The following LIPM variants were observed in gnomAD, a reference collection of about 807,000 sequenced individuals.
LIPM encodes lipase member M.
Under a neutral mutation model 42.4 loss-of-function variants are expected in LIPM, and 42 were observed. The ratio of observed to expected loss-of-function variants is 0.99; its 90% CI spans 0.77 to 1.28. The LOEUF (loss-of-function observed/expected upper bound fraction) is 1.28, where lower values mean the gene tolerates loss of function less well. Among genes scored for constraint, LIPM ranks in the 50% most tolerant of loss-of-function variants. The pLI, the probability that LIPM is intolerant of heterozygous loss-of-function variation, is 0.00. For synonymous variants in LIPM, 177 were observed against 173.3 expected, an observed-to-expected ratio of 1.02 and a Z score of -0.17; for missense variants, 524 against 520.1, an observed-to-expected ratio of 1.01 and a Z score of -0.07.
chr10:88,818,534 C>A (rs1374728622), intron 8 of LIPM, among the ~76,000 whole-genome samples: 1 of 152,170 alleles, frequency 6.6e-6, no homozygotes, highest in Non-Finnish European at 1.5e-5. Context: ...AATTAGATAT[C>A]AAAGTGTGGA....
At position 88,813,276 on chromosome 10, in the gene LIPM, G is replaced by A; in HGVS notation, c.445G>A (p.Asp149Asn). 4 of 1,607,218 alleles carry A rather than the reference G, an allele frequency of 2.5e-6. No individual in the cohort carries two copies. Among genetic ancestry groups the A allele is most frequent in the Non-Finnish European group, 3.4e-6 (4 of 1,175,976 alleles). ...ACACAAGACACTCTCCATAGACCAA[G>A]ATGAGTTCTGGGCTTTCAGGTATAT... is the stretch of plus-strand genomic sequence containing the variant. ...RKHKTLSIDQ[D>N]EFWAFSYDEM... Residue 149 changes from aspartate (D) to asparagine (N), a missense_variant, in exon 3 of 9, where the codon GAT (aspartate) becomes AAT (asparagine). Asp to Asn is a conservative substitution (Grantham distance 23, BLOSUM62 1). Coordinates refer to ENST00000404743, the MANE Select transcript of LIPM (RefSeq NM_001128215.1).
intron 1 of LIPM, among the ~76,000 whole-genome samples, chr10:88,807,426 C>A (rs916879033): frequency 6.6e-6 from 1 of 152,078 alleles, no homozygotes; most frequent in Non-Finnish European, 1.5e-5. Context: ...TAAAGCAGCC[C>A]CTGATGCAAA....
chr10:88,817,932 A>G, intron 8 of LIPM, 36 bp downstream of exon 8: 1 of 1,455,126 alleles, frequency 6.9e-7, no homozygotes, highest in Non-Finnish European at 9.4e-7. Flanking sequence ...GAAAATATAT[A>G]CATTGGAAAT....
At chr10:88,808,779 CA>C (rs2133053041) in intron 2 of LIPM, among the ~76,000 whole-genome samples, 1 of 152,188 alleles carries the variant, frequency 6.6e-6, no homozygotes, top group Admixed American at 6.5e-5. Context: ...ATGAAGAATT[CA>C]AGCTTCTTTA....
rs750471739 is a variant in LIPM, at chr10:88,817,013, G to A, written c.930+126G>A. The A allele has an allele frequency of 2.1e-5, 15 of 726,900 alleles. No homozygotes were observed. In the East Asian group the frequency reaches 3.3e-4, roughly 16 times the overall value. 45.0% of individuals were successfully genotyped at this position (726,900 alleles called of 1,614,324 possible). On this transcript the variant is annotated intron_variant, in intron 7 of 8. Coordinates refer to ENST00000404743, the MANE Select transcript of LIPM (RefSeq NM_001128215.1). ...TTATTCTAAGATGAAATGCAGTATC[G>A]TCGATGCTATTTTGATGGAGAATTT...
intron 2 of LIPM, 133 bp downstream of exon 2, chr10:88,808,548 T>C (rs1843616469): frequency 1.8e-6 from 1 of 562,392 alleles, no homozygotes; most frequent in Non-Finnish European, 3.2e-6. Context: ...AAGGATGGTG[T>C]CAGTTCCCCC....
intron 6 of LIPM, 146 bp downstream of exon 6, chr10:88,815,649 A>C: frequency 1.4e-6 from 1 of 703,444 alleles, no homozygotes; most frequent in Non-Finnish European, 2.3e-6. Flanking sequence ...CTGTAAGGAA[A>C]TAAGGGAAAT....
chr10:88,805,241 T>G (rs142627291), intron 1 of LIPM, among the ~76,000 whole-genome samples: 8 of 152,166 alleles, frequency 5.3e-5, no homozygotes, highest in Non-Finnish European at 1.2e-4. Context: ...ATAAAAGCAA[T>G]GAAATAAAAG....
In LIPM at chr10:88,815,592, A is replaced by C. The variant is rs1485658202; in HGVS notation, c.858+89A>C. 12 of 1,144,006 alleles carry C rather than the reference A, an allele frequency of 1.0e-5. No individual in the cohort carries two copies. In the Admixed American group the frequency reaches 2.6e-4, roughly 25 times the overall value. 70.9% of individuals were successfully genotyped at this position (1,144,006 alleles called of 1,614,324 possible). ...CCTGGAGGGAGAGCTAATGCCAGTG[A>C]AGACTCAGAGTAATGATATATTCTC... is the stretch of plus-strand genomic sequence containing the variant. On this transcript the variant is annotated intron_variant, in intron 6 of 8. Coordinates refer to ENST00000404743, the MANE Select transcript of LIPM (RefSeq NM_001128215.1).
chr10:88,805,935 T>C (rs1589311343), intron 1 of LIPM: 1 of 456,430 alleles, frequency 2.2e-6, no homozygotes, highest in African/African-American at 2.0e-5. Context: ...TGAGGAGCTA[T>C]GGAGCTAAAA....
rs763757551 is a variant in LIPM at position 88,817,895 on chromosome 10, A to C, written c.1001A>C (p.Gln334Pro). The C allele has an allele frequency of 1.3e-5, 20 of 1,550,096 alleles. No homozygotes were observed. The South Asian group carries it at 2.0e-4, about 16-fold the overall frequency. The change falls in exon 8 of 9, where the codon CAG (glutamine) becomes CCG (proline). Residue 334 changes from glutamine to proline, a missense_variant and splice_region_variant. Transcript: ENST00000404743. Reference sequence around the variant, plus strand: ...ACCAAAAATCTGGAAAAATGCAATCAGGTAAGAAAATCAAATACCATCTGC... The same window carrying C: ...ACCAAAAATCTGGAAAAATGCAATCCGGTAAGAAAATCAAATACCATCTGC... ...SETKNLEKCN[Q>P]PTPVRYRVRD... is the part of the protein sequence containing the mutation.
chr10:88,805,362 AG>A (rs1843573548), intron 1 of LIPM, among the ~76,000 whole-genome samples: 1 of 152,230 alleles, frequency 6.6e-6, no homozygotes. Context: ...GGTAGCAAAA[AG>A]GTCAGCACAT....
At chr10:88,817,400 T>C (rs1053396893) in intron 7 of LIPM, among the ~76,000 whole-genome samples, 3 of 152,030 alleles carry the variant, frequency 2.0e-5, no homozygotes, top group South Asian at 2.1e-4. Flanking sequence ...TGTTGACAGG[T>C]AGGGAGAGAC....
chr10:88,809,396 C>T (rs1377076354), intron 2 of LIPM, among the ~76,000 whole-genome samples: 3 of 151,960 alleles, frequency 2.0e-5, no homozygotes, highest in African/African-American at 7.3e-5. Flanking sequence ...TTCTATTTGG[C>T]TGGATTCTTT....
In LIPM at chr10:88,814,600, A is replaced by C. The variant is rs1843695709; in HGVS notation, c.535A>C (p.Lys179Gln). The C allele has an allele frequency of 3.9e-6, 6 of 1,552,004 alleles. No individual in the cohort carries two copies. The highest frequency in any genetic ancestry group is 5.2e-6 in the Non-Finnish European group (6 of 1,146,984). ...NFILQKTGQEKIYYVGYSQGT... is the reference protein window; with the variant it reads ...NFILQKTGQEQIYYVGYSQGT... ...TATTTTGCAGAAAACGGGCCAGGAA[A>C]AGATCTATTATGTCGGCTATTCACA... Residue 179 changes from lysine to glutamine, a missense_variant, in exon 4 of 9, where the codon AAG becomes CAG. Transcript: ENST00000404743.
chr10:88,817,884 A>G lies in LIPM; in HGVS notation c.990A>G (p.Glu330=). ...FDWGSETKNL[E]KCNQPTPVRY... is the part of the protein sequence containing the mutation. The stretch of plus-strand genomic sequence containing the variant: ...GGGGGAGTGAGACCAAAAATCTGGA[A>G]AAATGCAATCAGGTAAGAAAATCAA... Residue 330 remains glutamate, a synonymous_variant, in exon 8 of 9, where the codon GAA becomes GAG. Transcript: ENST00000404743. 6.4e-7 allele frequency: 1 copy of G among 1,551,260 alleles called. No homozygotes were observed. The highest frequency in any genetic ancestry group is 1.7e-4 in the Middle Eastern group (1 of 5,992).
rs780883311 is a variant in LIPM at position 88,820,532 on chromosome 10, C to G, written c.*31C>G. 107 of 1,537,580 alleles carry G rather than the reference C, an allele frequency of 7.0e-5. 2 individuals carry two copies. The African/African-American group carries it at 1.4e-3, about 20-fold the overall frequency. On this transcript the variant is annotated 3_prime_UTR_variant, in exon 9 of 9. Coordinates refer to ENST00000404743, the MANE Select transcript of LIPM (RefSeq NM_001128215.1). Reference sequence around the variant, plus strand: ...CTGACACTGACGATCTTAGGACAACCTCCTGAGGGATGGGGCTAGGACCCA... The same window carrying G: ...CTGACACTGACGATCTTAGGACAACGTCCTGAGGGATGGGGCTAGGACCCA...
chr10:88,814,466 G>C (rs1305199992), intron 3 of LIPM, 64 bp from the exon 4 acceptor site: 16 of 1,127,680 alleles, frequency 1.4e-5, no homozygotes, highest in Non-Finnish European at 2.1e-5. Flanking sequence ...ACCTGGTGTC[G>C]GGGGGAGCTT....
chr10:88,804,837 C>T lies in LIPM; in HGVS notation c.147+1794C>T, dbSNP rs112464197. Among the ~76,000 whole-genome samples, 1,212 of 152,298 alleles carry T rather than the reference C, an allele frequency of 8.0e-3. 18 individuals are homozygous for T. The highest frequency in any genetic ancestry group is 0.027 in the African/African-American group (1,123 of 41,560). On this transcript the variant is annotated intron_variant, in intron 1 of 8. Transcript: ENST00000404743. Reference sequence around the variant, plus strand: ...AATACAGCTGCCAATAGCCCATACACTGCTGACTCTGGGAGCACTGCCTAT... The same window carrying T: ...AATACAGCTGCCAATAGCCCATACATTGCTGACTCTGGGAGCACTGCCTAT...
Sources: gnomAD v4.1 joint callset for allele counts (sites outside exome capture counted in the v4.1 genomes callset) on GRCh38, gnomAD v4.1.1 for gene constraint, MANE v1.5 for transcripts, NCBI Gene and HGNC (gene_info 2026-07-23, HGNC 2026-07-21) for gene names.